Variants in DCSTAMP observed in about 807,000 individuals in gnomAD.
The protein encoded by DCSTAMP is dendrocyte expressed seven transmembrane protein.
Under a neutral mutation model 33.8 loss-of-function variants are expected in DCSTAMP, and 25 were observed. The ratio of observed to expected loss-of-function variants is 0.74; its 90% CI spans 0.54 to 1.03. The LOEUF (loss-of-function observed/expected upper bound fraction) is 1.03, where lower values mean the gene tolerates loss of function less well. DCSTAMP is among the 50% of genes least tolerant of loss of function. The pLI is 0.00. For missense variants in DCSTAMP, 531 were observed against 556.8 expected (o/e 0.95, Z 0.47); for synonymous variants, 245 against 216.7 (o/e 1.13, Z -1.15).
Position 104,348,915 on chromosome 8 carries a change from C to G in DCSTAMP, c.363C>G (p.Leu121=), listed in dbSNP as rs1206896629. ...ATATTTTTCACAACTTTAAAGGTCT[C>G]CTAGATGGTATGACTTGCAACCTAA... The part of the protein sequence containing the change: ...VENIFHNFKG[L]LDGMTCNLRA... Residue 121 remains leucine (L), a synonymous_variant, in exon 2 of 4, where the codon CTC becomes CTG. Coordinates refer to ENST00000297581, the MANE Select transcript of DCSTAMP (RefSeq NM_030788.4). The G allele has an allele frequency of 1.2e-6, 2 of 1,614,224 alleles. No homozygotes were observed. Among genetic ancestry groups the G allele is most frequent in the East Asian group, 2.2e-5 (1 of 44,892 alleles).
chr8:104,345,113 C>T (rs561610216), intron 1 of DCSTAMP, among the ~76,000 whole-genome samples: 3 of 151,940 alleles, frequency 2.0e-5, no homozygotes, highest in South Asian at 2.1e-4. Flanking sequence ...CTAAGCCTCC[C>T]GTCAGCTTGG....
At position 104,349,144 on chromosome 8, in the gene DCSTAMP, TA is replaced by T. The variant is rs1441017907; in HGVS notation, c.593del (p.Tyr198SerfsTer34). ...DSKGEVLSVL[Y>X]QMATTTEVLS... is the part of the protein sequence containing the mutation. ...CAAAGGGGAAGTCCTGAGCGTCTTG[TA>T]CCAGATGGCAACAACCACAGAGGTG... On this transcript the variant is annotated frameshift_variant, in exon 2 of 4. Coordinates refer to ENST00000297581, the MANE Select transcript of DCSTAMP (RefSeq NM_030788.4). LOFTEE classifies it high-confidence loss of function. 6.2e-7 allele frequency: 1 copy of T among 1,614,204 alleles called. No homozygotes were observed. The highest frequency in any genetic ancestry group is 8.5e-7 in the Non-Finnish European group (1 of 1,180,038).
rs1415829264 is a variant in DCSTAMP at position 104,349,599 on chromosome 8, T to G, written c.1029+18T>G. On this transcript the variant is annotated intron_variant, in intron 2 of 3. Transcript: ENST00000297581. ...ACGGAGAGGTAGGGCCCACAGGTAC[T>G]TCTCATGGTTTATCCCGGCTATTTG... 2.5e-6 allele frequency: 4 copies of G among 1,590,850 alleles called. No individual in the cohort carries two copies. Among genetic ancestry groups the G allele is most frequent in the Non-Finnish European group, 3.4e-6 (4 of 1,171,354 alleles).
chr8:104,354,647 A>G (rs1423272729), intron 2 of DCSTAMP, among the ~76,000 whole-genome samples: 1 of 152,228 alleles, frequency 6.6e-6, no homozygotes, highest in African/African-American at 2.4e-5. Flanking sequence ...GGGAATCTTT[A>G]CTGTATTTCT....
At chr8:104,348,066 G>A (rs1411835578) in intron 1 of DCSTAMP, among the ~76,000 whole-genome samples, 3 of 152,186 alleles carry the variant, frequency 2.0e-5, no homozygotes, top group African/African-American at 7.2e-5. Context: ...AAAGAGGCAA[G>A]GAATCAAGTT....
At chr8:104,345,698 AG>A (rs1810290072) in intron 1 of DCSTAMP, among the ~76,000 whole-genome samples, 1 of 152,396 alleles carries the variant, frequency 6.6e-6, no homozygotes, top group African/African-American at 2.4e-5. Context: ...GGCAAGAGAA[AG>A]GAAAAATGAA....
chr8:104,352,594 T>G (rs1330873999), intron 2 of DCSTAMP, among the ~76,000 whole-genome samples: 1 of 151,510 alleles, frequency 6.6e-6, no homozygotes, highest in Non-Finnish European at 1.5e-5. Context: ...CCATGTTAGA[T>G]AGAGGGGAAA....
rs1340575708 is a variant in DCSTAMP, at chr8:104,354,506, T to C, written c.1030-371T>C. 2.0e-5 allele frequency among the ~76,000 whole-genome samples: 3 copies of C among 152,146 alleles called. 1 individual carries two copies. Among genetic ancestry groups the C allele is most frequent in the African/African-American group, 7.2e-5 (3 of 41,426 alleles). On this transcript the variant is annotated intron_variant, in intron 2 of 3. Coordinates refer to ENST00000297581, the MANE Select transcript of DCSTAMP (RefSeq NM_030788.4). ...AAAATGAGTTATGTGATCAAATTTG[T>C]TAGGAAAACTGCTGCTAAAATTAAA...
chr8:104,346,885 G>A (rs950750613), intron 1 of DCSTAMP, among the ~76,000 whole-genome samples: 1 of 152,196 alleles, frequency 6.6e-6, no homozygotes, highest in Non-Finnish European at 1.5e-5. Context: ...TCCAGTGCCT[G>A]GATTCATCTT....
At chr8:104,341,198 G>C (rs908159484) in intron 1 of DCSTAMP, among the ~76,000 whole-genome samples, 3 of 152,184 alleles carry the variant, frequency 2.0e-5, no homozygotes, top group African/African-American at 7.2e-5. Flanking sequence ...GGAGACACAT[G>C]GGTGATGTGC....
At chr8:104,349,866 G>C (rs1451556344) in intron 2 of DCSTAMP, among the ~76,000 whole-genome samples, 3 of 152,148 alleles carry the variant, frequency 2.0e-5, no homozygotes, top group African/African-American at 7.2e-5. Flanking sequence ...GATAGTTCTG[G>C]GGGGAGAAGT....
At chr8:104,353,475 A>T (rs903613573) in intron 2 of DCSTAMP, among the ~76,000 whole-genome samples, 2 of 152,198 alleles carry the variant, frequency 1.3e-5, no homozygotes, top group Non-Finnish European at 1.5e-5. Context: ...TTATTGCAGG[A>T]TTTCTCATCA....
chr8:104,347,978 G>A (rs1476545863), intron 1 of DCSTAMP, among the ~76,000 whole-genome samples: 1 of 152,156 alleles, frequency 6.6e-6, no homozygotes, highest in Non-Finnish European at 1.5e-5. Flanking sequence ...AAAGCAGAGG[G>A]AAGATGCAAC....
chr8:104,353,067 G>A (rs956464432), intron 2 of DCSTAMP, among the ~76,000 whole-genome samples: 1 of 152,172 alleles, frequency 6.6e-6, no homozygotes, highest in Non-Finnish European at 1.5e-5. Flanking sequence ...TAAAGAAGAC[G>A]GGAAATGACC....
intron 1 of DCSTAMP, among the ~76,000 whole-genome samples, chr8:104,347,613 T>C (rs1022250949): frequency 6.6e-6 from 1 of 152,194 alleles, no homozygotes; most frequent in Non-Finnish European, 1.5e-5. Flanking sequence ...ATGGCTCACG[T>C]GTCTGTGGTC....
intron 2 of DCSTAMP, among the ~76,000 whole-genome samples, chr8:104,349,975 A>C (rs1424463508): frequency 6.6e-6 from 1 of 152,166 alleles, no homozygotes; most frequent in Non-Finnish European, 1.5e-5. Flanking sequence ...CTGTGACCAC[A>C]TCACTCCCGT....
chr8:104,348,453 T>C, intron 1 of DCSTAMP, 88 bp from the exon 2 acceptor site: 1 of 1,344,488 alleles, frequency 7.4e-7, no homozygotes, highest in African/African-American at 1.5e-5. Flanking sequence ...GGCCACGTTT[T>C]TTGTAGTCAG....
intron 2 of DCSTAMP, among the ~76,000 whole-genome samples, chr8:104,350,614 T>A (rs2514669): frequency 6.6e-6 from 1 of 152,124 alleles, no homozygotes; most frequent in Non-Finnish European, 1.5e-5. Flanking sequence ...GTTAAGAATT[T>A]CCTGAGTTGG....
Position 104,348,665 on chromosome 8 carries a change from T to G in DCSTAMP, c.113T>G (p.Leu38Trp). 1 of 1,614,224 alleles carries G rather than the reference T, an allele frequency of 6.2e-7. No homozygotes were observed. Among genetic ancestry groups the G allele is most frequent in the Non-Finnish European group, 8.5e-7 (1 of 1,180,030 alleles). Residue 38 changes from leucine to tryptophan, a missense_variant, in exon 2 of 4, where the codon TTG becomes TGG. Physicochemically the swap from Leu to Trp is moderately conservative, Grantham distance 61 (BLOSUM62 -2). Coordinates refer to ENST00000297581, the MANE Select transcript of DCSTAMP (RefSeq NM_030788.4). ...DFIQHLGVCC[L>W]VALISVGLLS... is the part of the protein sequence containing the mutation. Reference sequence around the variant, plus strand: ...ATCCAGCATTTGGGAGTTTGCTGTTTGGTTGCTCTTATTTCAGTGGGCCTC... The same window carrying G: ...ATCCAGCATTTGGGAGTTTGCTGTTGGGTTGCTCTTATTTCAGTGGGCCTC...
Sources: gnomAD v4.1 joint callset for allele counts (sites outside exome capture counted in the v4.1 genomes callset) on GRCh38, gnomAD v4.1.1 for gene constraint, MANE v1.5 for transcripts, NCBI Gene and HGNC (gene_info 2026-07-23, HGNC 2026-07-21) for gene names.